Variants in ARMH4 observed in about 807,000 individuals in gnomAD.
The protein encoded by ARMH4 is armadillo like helical domain containing 4, also known as armadillo-like helical domain-containing protein 4.
Under a neutral mutation model 61.9 loss-of-function variants are expected in ARMH4, and 49 were observed. The observed-to-expected ratio is 0.79, with a 90% CI of 0.63 to 1.00. The LOEUF is 1.00. ARMH4 is among the 50% of genes least tolerant of loss of function. ARMH4 has a pLI of 0.00. For missense variants in ARMH4, 934 were observed against 930.0 expected (o/e 1.00, Z -0.06); for synonymous variants, 368 against 341.5 (o/e 1.08, Z -0.85).
intron 5 of ARMH4, among the ~76,000 whole-genome samples, chr14:58,041,127 G>C (rs193184946): frequency 6.6e-6 from 1 of 152,256 alleles, no homozygotes; most frequent in Admixed American, 6.5e-5. Context: ...AGGACAGTGG[G>C]TGCAGCACAC....
intron 4 of ARMH4, among the ~76,000 whole-genome samples, chr14:58,105,179 G>T (rs1431781185): frequency 6.6e-6 from 1 of 152,128 alleles, no homozygotes; most frequent in Non-Finnish European, 1.5e-5. Context: ...CCTGGCCCAA[G>T]AACTAAAATT....
At chr14:58,035,366 C>A (rs1301392502) in intron 5 of ARMH4, among the ~76,000 whole-genome samples, 1 of 80,062 alleles carries the variant, frequency 1.2e-5, no homozygotes, top group African/African-American at 5.3e-5. Flanking sequence ...ACAAAGACAC[C>A]ACATACCAGA....
At chr14:58,106,245 C>A (rs573365946) in intron 4 of ARMH4, among the ~76,000 whole-genome samples, 8 of 152,252 alleles carry the variant, frequency 5.3e-5, no homozygotes, top group African/African-American at 1.9e-4. Flanking sequence ...TCAAGTCACT[C>A]GGGATTAATC....
At position 58,059,315 on chromosome 14, in the gene ARMH4, T is replaced by C. The variant is rs1884454823; in HGVS notation, c.2089+37409A>G. 2.0e-5 allele frequency among the ~76,000 whole-genome samples: 3 copies of C among 152,242 alleles called. No homozygotes were observed. In the South Asian group the frequency reaches 6.2e-4, roughly 31 times the overall value. On this transcript the variant is annotated intron_variant, in intron 5 of 7. Coordinates refer to ENST00000267485, the MANE Select transcript of ARMH4 (RefSeq NM_001001872.4). Reference sequence around the variant, plus strand: ...GGGTCTGTATAGATCTGGGAAGGCATGCTCCCAGGGGACCTGAGGAATGCC... The same window carrying C: ...GGGTCTGTATAGATCTGGGAAGGCACGCTCCCAGGGGACCTGAGGAATGCC...
intron 5 of ARMH4, among the ~76,000 whole-genome samples, chr14:58,059,959 T>A (rs1364921118): frequency 6.6e-6 from 1 of 152,174 alleles, no homozygotes; most frequent in Non-Finnish European, 1.5e-5. Context: ...GTCAGGAGGA[T>A]GTTTACAGGT....
chr14:58,039,799 T>C (rs17094265), intron 5 of ARMH4, among the ~76,000 whole-genome samples: 31,991 of 152,144 alleles, frequency 0.21, 3,655 homozygotes, highest in East Asian at 0.49. Flanking sequence ...GAACTCCTCA[T>C]ACACAAAAGA....
chr14:58,019,619 C>T (rs557425350), intron 5 of ARMH4, among the ~76,000 whole-genome samples: 31 of 151,504 alleles, frequency 2.0e-4, no homozygotes, highest in Admixed American at 2.0e-3. Flanking sequence ...GGTGAAACCC[C>T]GTCTCTACTA....
intron 5 of ARMH4, among the ~76,000 whole-genome samples, chr14:58,083,840 T>C (rs149221509): frequency 7.0e-4 from 106 of 152,350 alleles, no homozygotes; most frequent in African/African-American, 2.3e-3. Context: ...TGACTCCACA[T>C]AGATTGGTGG....
chr14:58,005,722 A>G (rs2141123766), intron 6 of ARMH4, among the ~76,000 whole-genome samples: 1 of 152,318 alleles, frequency 6.6e-6, no homozygotes, highest in East Asian at 1.9e-4. Context: ...GCTTGTGGGT[A>G]AAAGGGGAGG....
At chr14:58,037,045 A>C (rs1464477396) in intron 5 of ARMH4, among the ~76,000 whole-genome samples, 6 of 76,772 alleles carry the variant, frequency 7.8e-5, no homozygotes, top group Admixed American at 6.4e-4. Flanking sequence ...AATTGGAAAA[A>C]ACTACTTTAA....
chr14:58,032,859 C>T (rs917053722), intron 5 of ARMH4, among the ~76,000 whole-genome samples: 16 of 152,104 alleles, frequency 1.1e-4, no homozygotes, highest in South Asian at 6.2e-4. Flanking sequence ...TAACAAACGG[C>T]GCACCACGAG....
intron 4 of ARMH4, among the ~76,000 whole-genome samples, chr14:58,100,436 G>C (rs1885927543): frequency 6.6e-6 from 1 of 152,202 alleles, no homozygotes; most frequent in Non-Finnish European, 1.5e-5. Flanking sequence ...AGTAGGCACA[G>C]AGATTTAACC....
At chr14:58,116,566 C>T (rs1886534952) in intron 4 of ARMH4, 2 of 170,816 alleles carry the variant, frequency 1.2e-5, no homozygotes, top group African/African-American at 4.7e-5. Flanking sequence ...GTCCCAGATA[C>T]TCAGGAGGCT....
At chr14:58,104,333 T>C (rs1489266392) in intron 4 of ARMH4, among the ~76,000 whole-genome samples, 1 of 152,238 alleles carries the variant, frequency 6.6e-6, no homozygotes, top group Non-Finnish European at 1.5e-5. Flanking sequence ...CTTGTACTAC[T>C]AGCTTCACCC....
chr14:58,128,116 A>G (rs1296729490), intron 4 of ARMH4, among the ~76,000 whole-genome samples: 1 of 152,252 alleles, frequency 6.6e-6, no homozygotes, highest in Non-Finnish European at 1.5e-5. Flanking sequence ...TGATTTATTT[A>G]GAGTAAGCAG....
At chr14:58,083,169 T>C (rs529825175) in intron 5 of ARMH4, among the ~76,000 whole-genome samples, 4 of 152,346 alleles carry the variant, frequency 2.6e-5, no homozygotes, top group African/African-American at 9.6e-5. Flanking sequence ...GCAACTGGCA[T>C]TTGCAGACAG....
chr14:58,050,965 A>C (rs1182686765), intron 5 of ARMH4, among the ~76,000 whole-genome samples: 1 of 152,092 alleles, frequency 6.6e-6, no homozygotes, highest in Non-Finnish European at 1.5e-5. Context: ...AAATCGGATG[A>C]AAGACATTAT....
intron 5 of ARMH4, among the ~76,000 whole-genome samples, chr14:58,040,024 A>G (rs1324141249): frequency 6.6e-6 from 1 of 152,216 alleles, no homozygotes; most frequent in African/African-American, 2.4e-5. Flanking sequence ...ACAGGGAACA[A>G]AAACAACAAC....
intron 5 of ARMH4, among the ~76,000 whole-genome samples, chr14:58,063,879 T>C (rs1234700275): frequency 6.6e-6 from 1 of 152,202 alleles, no homozygotes; most frequent in African/African-American, 2.4e-5. Flanking sequence ...TGGTCTGTTT[T>C]TTAATTGACA....
Sources: gnomAD v4.1 joint callset for allele counts (sites outside exome capture counted in the v4.1 genomes callset) on GRCh38, gnomAD v4.1.1 for gene constraint, MANE v1.5 for transcripts, NCBI Gene and HGNC (gene_info 2026-07-23, HGNC 2026-07-21) for gene names.